Variants in ZNF717 observed in about 807,000 individuals in gnomAD.
The protein encoded by ZNF717 is krueppel-like factor X17.
A neutral mutation model predicts 13.8 loss-of-function variants in ZNF717; 9 were observed. The ratio of observed to expected loss-of-function variants is 0.65; its 90% CI spans 0.39 to 1.14. The LOEUF (loss-of-function observed/expected upper bound fraction) is 1.14. Ranked by LOEUF, ZNF717 falls within the 50% of genes most tolerant of loss-of-function variation. The pLI is 0.01. For synonymous variants in ZNF717, 327 were observed against 364.1 expected (o/e 0.90, Z 1.16); for missense variants, 1,040 against 1,080.7 (o/e 0.96, Z 0.53).
downstream of ZNF717, among the ~76,000 whole-genome samples, chr3:75,726,459 CA>C (rs1480297294): frequency 1.1e-3 from 167 of 152,296 alleles, 1 homozygote; most frequent in African/African-American, 3.8e-3. Flanking sequence ...TCTGTCTCTA[CA>C]AAAAATAGAA....
intron 2 of ZNF717, among the ~76,000 whole-genome samples, chr3:75,753,915 C>T (rs1223417388): frequency 6.6e-6 from 1 of 151,988 alleles, no homozygotes; most frequent in Admixed American, 6.5e-5. Flanking sequence ...AACACAACTG[C>T]TGGGATCTGA....
chr3:75,751,192 G>C (rs1177012636), intron 2 of ZNF717, among the ~76,000 whole-genome samples: 1 of 151,964 alleles, frequency 6.6e-6, no homozygotes, highest in Non-Finnish European at 1.5e-5. Context: ...AAGGATTCCA[G>C]AGCACTGCTA....
At chr3:75,743,841 A>G (rs1940789652) in intron 2 of ZNF717, among the ~76,000 whole-genome samples, 2 of 152,386 alleles carry the variant, frequency 1.3e-5, no homozygotes, top group South Asian at 2.1e-4. Flanking sequence ...AAATAAAAGA[A>G]TACGATAACC....
chr3:75,708,654 C>G (rs6549772), downstream of ZNF717, among the ~76,000 whole-genome samples: 1 of 151,226 alleles, frequency 6.6e-6, no homozygotes, highest in Non-Finnish European at 1.5e-5. Context: ...AGGATCCAGA[C>G]GATCAAACTA....
downstream of ZNF717, among the ~76,000 whole-genome samples, chr3:75,731,012 G>T (rs1223449802): frequency 6.6e-6 from 1 of 151,974 alleles, no homozygotes; most frequent in East Asian, 1.9e-4. Flanking sequence ...AGACCGAGGT[G>T]GGCAGATCAC....
intron 4 of ZNF717, among the ~76,000 whole-genome samples, chr3:75,718,905 T>C (rs75669948): frequency 6.6e-6 from 1 of 152,194 alleles, no homozygotes; most frequent in Non-Finnish European, 1.5e-5. Context: ...TTACATTATA[T>C]ATACTATTAA....
rs550868385 is a variant in ZNF717 at position 75,737,155 on chromosome 3, A to C, written c.2468T>G (p.Phe823Cys). The C allele has an allele frequency of 1.3e-6, 2 of 1,560,596 alleles. No individual in the cohort carries two copies. Among genetic ancestry groups the C allele is most frequent in the African/African-American group, 2.7e-5 (2 of 73,270 alleles). Residue 823 changes from phenylalanine (F) to cysteine (C), a missense_variant, in exon 5 of 5, where the codon TTC becomes TGC. By Grantham distance (205) the Phe-to-Cys change is radical. This residue lies in a region of ZNF717 where 873 missense variants were observed against 832.8 expected (regional missense o/e 1.05). Transcript: ENST00000652011. The stretch of plus-strand genomic sequence containing the variant: ...TACAAAGAGTTTTGACTTCTGGGAG[A>C]AGGTTTTCCTACATTCTTTACATTC... ...PFECKECRKTFSQKSKLFVHH... is the reference protein window; with the variant it reads ...PFECKECRKTCSQKSKLFVHH...
At chr3:75,782,744 T>C (rs78263189) in intron 2 of ZNF717, among the ~76,000 whole-genome samples, 1 of 146,536 alleles carries the variant, frequency 6.8e-6, no homozygotes, top group African/African-American at 2.5e-5. Context: ...CTGCACAACA[T>C]GCCGTGCTTT....
chr3:75,758,808 C>T (rs1337148481), intron 2 of ZNF717, among the ~76,000 whole-genome samples: 5 of 151,258 alleles, frequency 3.3e-5, no homozygotes, highest in Admixed American at 1.3e-4. Flanking sequence ...GAGCCCAGGA[C>T]GTCGAGGCAA....
chr3:75,744,853 G>A (rs1207497691), intron 2 of ZNF717, among the ~76,000 whole-genome samples: 2 of 152,182 alleles, frequency 1.3e-5, no homozygotes, highest in Non-Finnish European at 1.5e-5. Context: ...ATCTGCTCTA[G>A]TATAATCGGA....
At chr3:75,780,026 CG>C (rs1944684147) in intron 2 of ZNF717, among the ~76,000 whole-genome samples, 1 of 148,448 alleles carries the variant, frequency 6.7e-6, no homozygotes, top group Non-Finnish European at 1.5e-5. Context: ...ATGGGAGAGA[CG>C]TGCTAAACCA....
chr3:75,772,821 G>A (rs142482365), intron 2 of ZNF717, among the ~76,000 whole-genome samples: 207 of 152,376 alleles, frequency 1.4e-3, no homozygotes, highest in East Asian at 0.013. Context: ...GTTTCAGGCA[G>A]AAAAGTGACA....
At position 75,724,849 on chromosome 3, in the gene ZNF717, A is replaced by G. The variant is rs2918487; in HGVS notation, n.545-8308T>C. ...ATATCTGTATTATGATAGAAAGAGTATTATTTTCATGGAGCACTCTGAGAT... is the reference window on the plus strand; with the variant it reads ...ATATCTGTATTATGATAGAAAGAGTGTTATTTTCATGGAGCACTCTGAGAT... On this transcript the variant is annotated intron_variant and non_coding_transcript_variant, in intron 4 of 5. Coordinates refer to the ZNF717 transcript ENST00000491507. 8.6e-5 allele frequency among the ~76,000 whole-genome samples: 13 copies of G among 151,906 alleles called. No homozygotes were observed. In the South Asian group the frequency reaches 2.7e-3, roughly 32 times the overall value.
At chr3:75,755,512 CAGAT>C (rs1345653934) in intron 2 of ZNF717, among the ~76,000 whole-genome samples, 2 of 151,618 alleles carry the variant, frequency 1.3e-5, no homozygotes, top group Admixed American at 6.6e-5. Context: ...TAAATACACA[CAGAT>C]AGATTATGTA....
At chr3:75,719,076 T>C (rs1323240219) in intron 4 of ZNF717, among the ~76,000 whole-genome samples, 1 of 152,024 alleles carries the variant, frequency 6.6e-6, no homozygotes, top group African/African-American at 2.4e-5. Context: ...GGAGGATCCT[T>C]TGAGCCCAGG....
chr3:75,725,096 T>C (rs75482546), downstream of ZNF717, among the ~76,000 whole-genome samples: 1,142 of 44,170 alleles, frequency 0.026, no homozygotes, highest in African/African-American at 0.053. Context: ...CTCCCTCTCA[T>C]CTGAAATATT....
intron 2 of ZNF717, among the ~76,000 whole-genome samples, chr3:75,743,781 GT>G (rs1940774519): frequency 6.6e-6 from 1 of 152,248 alleles, no homozygotes; most frequent in Non-Finnish European, 1.5e-5. Flanking sequence ...CAAGTTATCT[GT>G]CATCATCCAG....
At chr3:75,746,048 G>A (rs1156608086) in intron 2 of ZNF717, among the ~76,000 whole-genome samples, 5 of 151,874 alleles carry the variant, frequency 3.3e-5, no homozygotes, top group African/African-American at 9.6e-5. Context: ...AACAAGCCCC[G>A]GTGTGTGATG....
intron 2 of ZNF717, among the ~76,000 whole-genome samples, chr3:75,753,504 C>T (rs1324830295): frequency 6.8e-6 from 1 of 146,150 alleles, no homozygotes; most frequent in East Asian, 2.1e-4. Context: ...AATATCTGTC[C>T]GTTACATAGG....
Sources: allele counts gnomAD v4.1 joint callset (sites outside exome capture counted in the v4.1 genomes callset), GRCh38; gene constraint gnomAD v4.1.1; regional missense constraint gnomAD v4.1.1; transcripts MANE v1.5; gene names NCBI Gene and HGNC (gene_info 2026-07-23, HGNC 2026-07-21).